The following RSBN1L variants were observed in gnomAD, a reference collection of about 807,000 sequenced individuals.
The protein encoded by RSBN1L is lysine-specific demethylase RSBN1L.
RSBN1L carries 30 observed loss-of-function variants against 67.7 expected under a neutral mutation model. That is an observed-to-expected ratio of 0.44 (90% confidence interval 0.33 to 0.60). RSBN1L has a LOEUF of 0.60. Among genes scored for constraint, RSBN1L ranks in the 20% least tolerant of loss-of-function variants. The pLI is 0.02. For synonymous variants in RSBN1L, 433 were observed against 387.0 expected, an observed-to-expected ratio of 1.12 and a Z score of -1.39; for missense variants, 992 against 1,031.7, an observed-to-expected ratio of 0.96 and a Z score of 0.53.
rs185076072 is a variant in RSBN1L, at chr7:77,713,385, C to T, written c.586+16330C>T. Among the ~76,000 whole-genome samples the T allele has an allele frequency of 2.5e-3, 369 of 150,036 alleles. 3 individuals are homozygous for T. The highest frequency in any genetic ancestry group is 0.019 in the Admixed American group (286 of 15,036). On this transcript the variant is annotated intron_variant, in intron 1 of 7. Coordinates refer to ENST00000334955, the MANE Select transcript of RSBN1L (RefSeq NM_198467.3). ...TTTTTTTTTTCCTTTGAGACAGAGTCTCACTCTGTCGCCCAGGCTGGAGTG... is the reference window on the plus strand; with the variant it reads ...TTTTTTTTTTCCTTTGAGACAGAGTTTCACTCTGTCGCCCAGGCTGGAGTG...
chr7:77,721,706 G>T (rs559843378), intron 1 of RSBN1L, among the ~76,000 whole-genome samples: 13 of 152,244 alleles, frequency 8.5e-5, no homozygotes, highest in African/African-American at 3.1e-4. Context: ...TATATATGTG[G>T]GTGAATAGTT....
intron 1 of RSBN1L, among the ~76,000 whole-genome samples, chr7:77,722,711 T>G (rs1299907879): frequency 6.6e-6 from 1 of 151,978 alleles, no homozygotes; most frequent in Non-Finnish European, 1.5e-5. Flanking sequence ...CTGCCGCTGC[T>G]TGTTCTCTCA....
At chr7:77,753,906 A>G (rs1279171205) in intron 3 of RSBN1L, among the ~76,000 whole-genome samples, 1 of 152,228 alleles carries the variant, frequency 6.6e-6, no homozygotes, top group Non-Finnish European at 1.5e-5. Flanking sequence ...ATTTATGGAA[A>G]AGATACCCCT....
intron 4 of RSBN1L, among the ~76,000 whole-genome samples, chr7:77,766,236 A>G (rs1791764593): frequency 6.6e-6 from 1 of 152,210 alleles, no homozygotes; most frequent in Non-Finnish European, 1.5e-5. Context: ...CTCTCTGCCC[A>G]GGCTGGAGTG....
intron 3 of RSBN1L, among the ~76,000 whole-genome samples, chr7:77,752,344 C>G (rs1192986460): frequency 6.6e-6 from 1 of 152,194 alleles, no homozygotes; most frequent in Non-Finnish European, 1.5e-5. Context: ...GCTTCTTTAG[C>G]TTTAGACTTA....
intron 1 of RSBN1L, among the ~76,000 whole-genome samples, chr7:77,714,183 C>T (rs943503320): frequency 4.6e-5 from 7 of 152,050 alleles, no homozygotes; most frequent in South Asian, 2.1e-4. Flanking sequence ...GCAAAAATCC[C>T]GATATTCTTA....
chr7:77,770,837 G>T (rs1483657882), intron 5 of RSBN1L, among the ~76,000 whole-genome samples: 2 of 152,208 alleles, frequency 1.3e-5, no homozygotes, highest in Admixed American at 6.5e-5. Flanking sequence ...GTGTGATTGT[G>T]TACTTATGTG....
At chr7:77,739,810 C>T (rs1386760270) in intron 2 of RSBN1L, among the ~76,000 whole-genome samples, 1 of 108,604 alleles carries the variant, frequency 9.2e-6, no homozygotes, top group Non-Finnish European at 1.7e-5. Flanking sequence ...AGTGCAGTGG[C>T]GCGATCTCGG....
intron 1 of RSBN1L, among the ~76,000 whole-genome samples, chr7:77,701,885 T>TCAGA (rs1790823400): frequency 6.6e-6 from 1 of 152,160 alleles, no homozygotes; most frequent in African/African-American, 2.4e-5. Context: ...ACTCCTGGCC[T>TCAGA]CAGATGGTCT....
intron 4 of RSBN1L, among the ~76,000 whole-genome samples, chr7:77,766,146 TTCA>T (rs1791763440): frequency 6.6e-6 from 1 of 152,220 alleles, no homozygotes; most frequent in Non-Finnish European, 1.5e-5. Flanking sequence ...GGGCTTCAGT[TTCA>T]TCATCCATAA....
chr7:77,769,610 C>T (rs949745745), intron 5 of RSBN1L, among the ~76,000 whole-genome samples: 5 of 152,084 alleles, frequency 3.3e-5, no homozygotes, highest in Non-Finnish European at 5.9e-5. Context: ...GGGGGGGAAG[C>T]GACATCAACA....
At chr7:77,765,659 G>C in intron 4 of RSBN1L, 27 bp downstream of exon 4, 1 of 1,507,536 alleles carries the variant, frequency 6.6e-7, no homozygotes, top group Admixed American at 2.2e-5. Flanking sequence ...CATGGGATTA[G>C]AGTTTTTTTT....
At chr7:77,704,397 A>G (rs922765669) in intron 1 of RSBN1L, among the ~76,000 whole-genome samples, 5 of 152,336 alleles carry the variant, frequency 3.3e-5, no homozygotes, top group Admixed American at 1.3e-4. Context: ...ATTTTTGAGT[A>G]TACATTAAAC....
intron 3 of RSBN1L, among the ~76,000 whole-genome samples, chr7:77,764,934 A>T (rs947428477): frequency 6.6e-6 from 1 of 152,138 alleles, no homozygotes; most frequent in African/African-American, 2.4e-5. Flanking sequence ...CCCGGCTGTG[A>T]TTCTTAATTT....
chr7:77,699,333 C>G (rs996516047), intron 1 of RSBN1L, among the ~76,000 whole-genome samples: 2 of 152,164 alleles, frequency 1.3e-5, no homozygotes, highest in Non-Finnish European at 2.9e-5. Flanking sequence ...CTCGAAAGAC[C>G]TAGCCTGCAC....
chr7:77,773,355 G>T (rs200570362), intron 6 of RSBN1L, 41 bp downstream of exon 6: 6 of 1,357,910 alleles, frequency 4.4e-6, no homozygotes, highest in Non-Finnish European at 5.8e-6. Context: ...GAATTTCTTG[G>T]CTTCTACAAT....
Position 77,749,876 on chromosome 7 carries a change from G to A in RSBN1L, c.1156G>A (p.Gly386Ser). The change falls in exon 3 of 8, where the codon GGT (glycine) becomes AGT (serine). Residue 386 changes from glycine to serine, a missense_variant. By Grantham distance (56) the Gly-to-Ser change is moderately conservative. Around this residue, in one of 7 missense-constraint regions of RSBN1L, gnomAD observed 575 missense variants for 483.2 expected, o/e 1.19. Coordinates refer to ENST00000334955, the MANE Select transcript of RSBN1L (RefSeq NM_198467.3). ...GGAGAGGTTTGCAGAAGAGTTTGTGGGTCTAGTGTTCAGTGAAAATGAAAA... is the reference window on the plus strand; with the variant it reads ...GGAGAGGTTTGCAGAAGAGTTTGTGAGTCTAGTGTTCAGTGAAAATGAAAA... ...EMERFAEEFV[G>S]LVFSENENSA... The A allele has an allele frequency of 6.2e-7, 1 of 1,614,116 alleles. No individual in the cohort carries two copies. Among genetic ancestry groups the A allele is most frequent in the Non-Finnish European group, 8.5e-7 (1 of 1,180,008 alleles).
chr7:77,768,863 G>A, intron 5 of RSBN1L, 60 bp downstream of exon 5: 5 of 1,479,094 alleles, frequency 3.4e-6, no homozygotes, highest in Middle Eastern at 1.8e-4. Context: ...GGGTGTGTAT[G>A]TTAGTTGAAA....
chr7:77,701,845 GT>G (rs1372555048), intron 1 of RSBN1L, among the ~76,000 whole-genome samples: 1 of 151,942 alleles, frequency 6.6e-6, no homozygotes, highest in African/African-American at 2.4e-5. Context: ...TAGAGATGGG[GT>G]TCCTCCATGT....
Sources: allele counts gnomAD v4.1 joint callset (sites outside exome capture counted in the v4.1 genomes callset), GRCh38; gene constraint gnomAD v4.1.1; regional missense constraint gnomAD v4.1.1; transcripts MANE v1.5; gene names NCBI Gene and HGNC (gene_info 2026-07-23, HGNC 2026-07-21).